The following C4orf50 variants were observed in gnomAD, a reference collection of about 807,000 sequenced individuals.
C4orf50 encodes uncharacterized protein C4orf50.
A neutral mutation model predicts 77.2 loss-of-function variants in C4orf50; 80 were observed. The observed-to-expected ratio is 1.04, with a 90% CI of 0.87 to 1.25. The LOEUF (loss-of-function observed/expected upper bound fraction) is 1.25. Ranked by LOEUF, C4orf50 falls within the 50% of genes most tolerant of loss-of-function variation. C4orf50 has a pLI of 0.00. For synonymous variants in C4orf50, 532 were observed against 465.3 expected, an observed-to-expected ratio of 1.14 and a Z score of -1.84; for missense variants, 1,257 against 1,152.9, an observed-to-expected ratio of 1.09 and a Z score of -1.31.
At chr4:5,929,425 A>G (rs1336979009) in intron 7 of C4orf50, among the ~76,000 whole-genome samples, 1 of 146,680 alleles carries the variant, frequency 6.8e-6, no homozygotes, top group Non-Finnish European at 1.5e-5. Context: ...TGCAAAAGCG[A>G]GCACATTCTT....
Position 5,989,141 on chromosome 4 carries a change from CCTCTCTCT to C in C4orf50, c.2897_2904del (p.Glu966GlyfsTer11). 2 of 1,407,984 alleles carry C rather than the reference CCTCTCTCT, an allele frequency of 1.4e-6. No individual in the cohort carries two copies. Among genetic ancestry groups the C allele is most frequent in the South Asian group, 2.6e-5 (2 of 77,802 alleles). The allele number at this position is 1,407,984 out of a possible 1,614,324, so 87.2% of individuals were successfully genotyped here. On this transcript the variant is annotated frameshift_variant, in exon 28 of 34. Coordinates refer to ENST00000531445, the Ensembl canonical transcript of C4orf50. LOFTEE classifies it high-confidence loss of function. ...CGCTCGAGCCTGGATATTTTTGTCA[CCTCTCTCT>C]CTCTCTCTCTTTCAAGGGCGCACAC... is the stretch of plus-strand genomic sequence containing the variant.
chr4:5,933,064 G>C (rs1420116111), intron 7 of C4orf50, among the ~76,000 whole-genome samples: 2 of 152,146 alleles, frequency 1.3e-5, no homozygotes, highest in Admixed American at 6.5e-5. Flanking sequence ...CCTGACACCA[G>C]AGCCCTGGAC....
exon 32 of C4orf50, chr4:5,967,449 A>G: frequency 1.9e-6 from 3 of 1,614,076 alleles, no homozygotes; most frequent in African/African-American, 1.3e-5. Context: ...CTTGACGTCC[A>G]GGTGGTGGCT....
chr4:5,968,605 C>G (rs1719717491), intron 31 of C4orf50, among the ~76,000 whole-genome samples: 1 of 152,242 alleles, frequency 6.6e-6, no homozygotes, highest in Non-Finnish European at 1.5e-5. Flanking sequence ...GACCTTCACT[C>G]TATCCTTCCA....
chr4:5,917,483 G>A (rs1717082217), intron 7 of C4orf50, among the ~76,000 whole-genome samples: 1 of 142,140 alleles, frequency 7.0e-6, no homozygotes. Flanking sequence ...GCACGATCTC[G>A]GCTCACTGAA....
rs1718740379 is a variant in C4orf50 at position 5,951,861 on chromosome 4, G to A, written c.*2474+5040C>T. On this transcript the variant is annotated intron_variant, in intron 7 of 7. Transcript: ENST00000324058. ...GGGCCCTCTCCTCCTTCAGCAGCAG[G>A]TGGTGGTGTAATGTGCAGGGGGAGC... is the stretch of plus-strand genomic sequence containing the variant. 2.6e-5 allele frequency among the ~76,000 whole-genome samples: 4 copies of A among 152,192 alleles called. 1 individual carries two copies. In the South Asian group the frequency reaches 8.3e-4, roughly 32 times the overall value.
Position 5,919,903 on chromosome 4 carries a change from G to C in C4orf50, c.*2475-21715C>G, listed in dbSNP as rs931254128. The stretch of plus-strand genomic sequence containing the variant: ...CACATCCATCGATTCAACCAACCAG[G>C]GATTGAAAATACTCAAAGAAAACTT... On this transcript the variant is annotated intron_variant, in intron 7 of 7. Coordinates refer to the C4orf50 transcript ENST00000324058. This position sits in a 1 kb window ranked among gnomAD's most constrained non-coding sequence, Gnocchi z 6.5. Among the ~76,000 whole-genome samples, 6 of 152,112 alleles carry C rather than the reference G, an allele frequency of 3.9e-5. No homozygotes were observed. Among genetic ancestry groups the C allele is most frequent in the Admixed American group, 3.9e-4 (6 of 15,280 alleles).
chr4:5,959,115 A>G (rs1489848379), exon 34 of C4orf50: 3 of 447,082 alleles, frequency 6.7e-6, no homozygotes, highest in Admixed American at 7.0e-5. Context: ...TGGACCAATC[A>G]TTCAATAGGT....
At position 5,901,403 on chromosome 4, in the gene C4orf50, G is replaced by C. The variant is rs1343960972; in HGVS notation, c.*2475-3215C>G. The C allele has an allele frequency of 6.6e-6, 1 of 152,150 alleles. No homozygotes were observed. Among genetic ancestry groups the C allele is most frequent in the African/African-American group, 2.4e-5 (1 of 41,438 alleles). 9.4% of individuals were successfully genotyped at this position (152,150 alleles called of 1,614,324 possible). ...TTGCCCAGCAAGTAAACTGGGGAGG[G>C]GAGGCCACTTTCCCTAGTCTCGGAG... On this transcript the variant is annotated intron_variant, in intron 7 of 7. Coordinates refer to the C4orf50 transcript ENST00000324058. The surrounding 1 kb of genome is among the most constrained non-coding windows in gnomAD (Gnocchi z 4.4).
At chr4:6,004,353 GGTGATGGTGA>G (rs1722123814) in intron 25 of C4orf50, among the ~76,000 whole-genome samples, 6 of 17,814 alleles carry the variant, frequency 3.4e-4, no homozygotes, top group East Asian at 1.5e-3. Context: ...TGATGATGAC[GGTGATGGTGA>G]TGATGGTGAT....
At chr4:6,016,347 G>A (rs1198130465) in intron 23 of C4orf50, among the ~76,000 whole-genome samples, 1 of 152,132 alleles carries the variant, frequency 6.6e-6, no homozygotes, top group Non-Finnish European at 1.5e-5. Context: ...TCAGACGTTC[G>A]AGACCTGCAT....
intron 25 of C4orf50, among the ~76,000 whole-genome samples, chr4:5,996,425 C>T (rs139400367): frequency 2.0e-4 from 30 of 152,256 alleles, no homozygotes; most frequent in African/African-American, 5.5e-4. Context: ...AAACCCCCGC[C>T]GGCCTCACTG....
chr4:5,991,034 A>G (rs1309821092), intron 27 of C4orf50, among the ~76,000 whole-genome samples: 3 of 152,152 alleles, frequency 2.0e-5, no homozygotes, highest in Middle Eastern at 6.3e-3. Flanking sequence ...AGATGCCCTC[A>G]TGGCTCACTC....
chr4:5,967,595 C>T, intron 31 of C4orf50, 133 bp from the exon 10 acceptor site: 1 of 734,110 alleles, frequency 1.4e-6, no homozygotes, highest in Non-Finnish European at 2.5e-6. Context: ...AGGACCAACC[C>T]TGCCTGTGTG....
chr4:5,967,564 G>GA, intron 31 of C4orf50, 102 bp from the exon 10 acceptor site: 2 of 1,018,132 alleles, frequency 2.0e-6, no homozygotes, highest in South Asian at 1.3e-5. Context: ...ACCCCTCCCC[G>GA]CAAAAAACCG....
rs1175516227 is a variant in C4orf50, at chr4:5,919,975, A to G, written c.*2475-21787T>C. Among the ~76,000 whole-genome samples, 1 of 152,234 alleles carries G rather than the reference A, an allele frequency of 6.6e-6. No individual in the cohort carries two copies. The highest frequency in any genetic ancestry group is 1.9e-4 in the East Asian group (1 of 5,202). On this transcript the variant is annotated intron_variant, in intron 7 of 7. Transcript: ENST00000324058. This position sits in a 1 kb window ranked among gnomAD's most constrained non-coding sequence, Gnocchi z 6.5. Reference sequence around the variant, plus strand: ...GACTTTTCTTGTCATCATTCCCTCAACAACACAGTATGACAACTACTTATA... The same window carrying G: ...GACTTTTCTTGTCATCATTCCCTCAGCAACACAGTATGACAACTACTTATA...
chr4:5,919,317 T>C lies in C4orf50; in HGVS notation c.*2475-21129A>G, dbSNP rs1188251337. Reference sequence around the variant, plus strand: ...TGGCTACCACAGCTCAGGAAGGTTCTAGAAGTCTGGATGAACTGGCGTGGA... The same window carrying C: ...TGGCTACCACAGCTCAGGAAGGTTCCAGAAGTCTGGATGAACTGGCGTGGA... On this transcript the variant is annotated intron_variant, in intron 7 of 7. Transcript: ENST00000324058. This position sits in a 1 kb window ranked among gnomAD's most constrained non-coding sequence, Gnocchi z 6.5. Among the ~76,000 whole-genome samples the C allele has an allele frequency of 6.6e-6, 1 of 151,804 alleles. No homozygotes were observed. The highest frequency in any genetic ancestry group is 1.5e-5 in the Non-Finnish European group (1 of 68,000).
intron 27 of C4orf50, among the ~76,000 whole-genome samples, chr4:5,991,909 T>C (rs1479998238): frequency 6.6e-6 from 1 of 152,176 alleles, no homozygotes; most frequent in African/African-American, 2.4e-5. Context: ...TCCTCTGTTG[T>C]CTTTGCCTTT....
exon 28 of C4orf50, chr4:5,989,419 T>G: frequency 1.3e-6 from 2 of 1,536,066 alleles, no homozygotes; most frequent in Non-Finnish European, 1.7e-6. Context: ...CTTATCACCT[T>G]CACCACTCTC....
Sources: allele counts gnomAD v4.1 joint callset (sites outside exome capture counted in the v4.1 genomes callset), GRCh38; gene constraint gnomAD v4.1.1; non-coding constraint Gnocchi (gnomAD v3.1); transcripts MANE v1.5; gene names NCBI Gene and HGNC (gene_info 2026-07-23, HGNC 2026-07-21).